Variants in PTGR3 observed in about 807,000 individuals in gnomAD.
PTGR3 encodes zinc binding alcohol dehydrogenase domain containing 2.
chr18:75,202,913 G>A, the PTGR3 span, among the ~76,000 whole-genome samples: 1 of 152,204 alleles, frequency 6.6e-6, no homozygotes, highest in Non-Finnish European at 1.5e-5. Context: ...AAGGTCACTG[G>A]TTGCTACATG....
chr18:75,207,317 G>A, the PTGR3 span, among the ~76,000 whole-genome samples: 1 of 152,326 alleles, frequency 6.6e-6, no homozygotes, highest in East Asian at 1.9e-4. Flanking sequence ...CACTTTATCA[G>A]AAGGAGAAAA....
the PTGR3 span, chr18:75,208,294 C>T: frequency 1.0e-6 from 1 of 978,450 alleles, no homozygotes; most frequent in Non-Finnish European, 1.2e-6. Flanking sequence ...AGCACGCAGA[C>T]AACACCGGCG....
At chr18:75,197,187 A>G in the PTGR3 span, 1 of 152,232 alleles carries the variant, frequency 6.6e-6, no homozygotes, top group Admixed American at 6.5e-5. Context: ...AATGAAAAAA[A>G]TAGAGTAAGA....
chr18:75,201,243 C>T, the PTGR3 span: 3 of 591,266 alleles, frequency 5.1e-6, no homozygotes, highest in South Asian at 2.8e-5. Context: ...TTTTTTTTTC[C>T]CCCAAGGGAA....
the PTGR3 span, among the ~76,000 whole-genome samples, chr18:75,206,291 G>T: frequency 6.6e-6 from 1 of 152,062 alleles, no homozygotes; most frequent in Non-Finnish European, 1.5e-5. Context: ...TTTGTATTTT[G>T]TGCTAAGATG....
the PTGR3 span, among the ~76,000 whole-genome samples, chr18:75,204,777 C>G: frequency 3.3e-5 from 5 of 152,114 alleles, no homozygotes; most frequent in Admixed American, 6.5e-5. Flanking sequence ...GCGGGGGCCC[C>G]GGCAGGCGCG....
chr18:75,200,400 T>C, the PTGR3 span: 1 of 152,200 alleles, frequency 6.6e-6, no homozygotes, highest in African/African-American at 2.4e-5. Context: ...CTATTCTGTT[T>C]CCAGAATCAG....
the PTGR3 span, chr18:75,205,044 C>T: frequency 1.7e-6 from 1 of 602,568 alleles, no homozygotes; most frequent in Non-Finnish European, 2.1e-6. Flanking sequence ...CGCGGCGGCT[C>T]GGGTGGCTCC....
the PTGR3 span, chr18:75,208,845 C>A: frequency 6.7e-7 from 1 of 1,494,178 alleles, no homozygotes; most frequent in Non-Finnish European, 8.9e-7. Context: ...GGGCGCCGGG[C>A]TCACCGGTTC....
the PTGR3 span, chr18:75,208,517 C>A: frequency 4.7e-5 from 50 of 1,063,852 alleles, no homozygotes; most frequent in Admixed American, 1.1e-4. Context: ...CGGCGGGGAG[C>A]CTCCCCTTCT....
At chr18:75,195,841 G>C in the PTGR3 span, 1 of 152,228 alleles carries the variant, frequency 6.6e-6, no homozygotes, top group African/African-American at 2.4e-5. Context: ...TTGGGCCCAG[G>C]AGGTCAAGGC....
At chr18:75,202,983 G>A in the PTGR3 span, among the ~76,000 whole-genome samples, 2 of 152,168 alleles carry the variant, frequency 1.3e-5, no homozygotes, top group Admixed American at 1.3e-4. Flanking sequence ...TCTTTCTGAT[G>A]TAACTACATC....
the PTGR3 span, chr18:75,199,674 A>G: frequency 6.6e-6 from 1 of 152,610 alleles, no homozygotes; most frequent in African/African-American, 2.4e-5. Context: ...AGTCCCCTGC[A>G]CCAGTAACCC....
At chr18:75,209,139 T>C in the PTGR3 span, 9 of 1,208,630 alleles carry the variant, frequency 7.4e-6, 1 homozygote, top group Admixed American at 2.8e-4. The surrounding 1 kb of genome is among the most constrained non-coding windows in gnomAD (Gnocchi z 4.7). Context: ...GGCTGTGCTC[T>C]GCTCGGCTAG....
the PTGR3 span, among the ~76,000 whole-genome samples, chr18:75,203,931 T>G: frequency 1.3e-5 from 2 of 152,332 alleles, no homozygotes; most frequent in South Asian, 2.1e-4. Flanking sequence ...TGCCTCTGCC[T>G]TAGGCTGTAA....
chr18:75,204,226 TG>T, the PTGR3 span, among the ~76,000 whole-genome samples: 2 of 152,146 alleles, frequency 1.3e-5, no homozygotes, highest in Non-Finnish European at 2.9e-5. Context: ...GGGCGCGCCC[TG>T]GGGGGCTCTG....
At chr18:75,197,297 T>C in the PTGR3 span, 2 of 152,238 alleles carry the variant, frequency 1.3e-5, no homozygotes, top group African/African-American at 4.8e-5. Flanking sequence ...AATGGATAAA[T>C]GCTTGAGGAG....
At chr18:75,204,199 C>A in the PTGR3 span, among the ~76,000 whole-genome samples, 1 of 152,230 alleles carries the variant, frequency 6.6e-6, no homozygotes, top group Non-Finnish European at 1.5e-5. Flanking sequence ...CGACGGCAGT[C>A]CTCCCCACCT....
chr18:75,208,557 G>A, the PTGR3 span: 24 of 1,064,836 alleles, frequency 2.3e-5, no homozygotes, highest in Non-Finnish European at 2.8e-5. Context: ...TCGGGAGCGG[G>A]AGGGGGAGGA....
Sources: allele counts gnomAD v4.1 joint callset (sites outside exome capture counted in the v4.1 genomes callset), GRCh38; gene constraint gnomAD v4.1.1; non-coding constraint Gnocchi (gnomAD v3.1); transcripts MANE v1.5; gene names NCBI Gene and HGNC (gene_info 2026-07-23, HGNC 2026-07-21).